The following VWA3B variants were observed in gnomAD, a reference collection of about 807,000 sequenced individuals.
The protein encoded by VWA3B is von Willebrand factor A domain-containing protein 3B.
VWA3B carries 138 observed loss-of-function variants against 158.3 expected under a neutral mutation model. The observed-to-expected ratio is 0.87, with a 90% CI of 0.76 to 1.00. VWA3B has a LOEUF of 1.00. Among genes scored for constraint, VWA3B ranks in the 50% least tolerant of loss-of-function variants. VWA3B has a pLI of 0.00. For synonymous variants in VWA3B, 596 were observed against 587.3 expected, an observed-to-expected ratio of 1.01 and a Z score of -0.21; for missense variants, 1,555 against 1,565.1, an observed-to-expected ratio of 0.99 and a Z score of 0.11.
intron 21 of VWA3B, among the ~76,000 whole-genome samples, chr2:98,266,104 C>T (rs1386460782): frequency 6.7e-6 from 1 of 149,664 alleles, no homozygotes; most frequent in Non-Finnish European, 1.5e-5. Context: ...GTGTTTTAGA[C>T]ATGAAGTCCT....
intron 16 of VWA3B, among the ~76,000 whole-genome samples, chr2:98,233,413 A>G (rs1685466395): frequency 6.6e-6 from 1 of 152,092 alleles, no homozygotes; most frequent in Non-Finnish European, 1.5e-5. Flanking sequence ...TTGGGGAGCT[A>G]AATTTCATTT....
Position 98,145,727 on chromosome 2 carries a change from G to GTT in VWA3B, c.988+11797_988+11798dup, listed in dbSNP as rs145413200. On this transcript the variant is annotated intron_variant, in intron 7 of 27. Transcript: ENST00000477737. Reference sequence around the variant, plus strand: ...TGATTTTTTTTCCTCTTTCCTGAGTGTTTTTTTTTTGAGACAGGTTCTCAC... The same window carrying GTT: ...TGATTTTTTTTCCTCTTTCCTGAGTGTTTTTTTTTTTTGAGACAGGTTCTCAC... 2.7e-5 allele frequency among the ~76,000 whole-genome samples: 4 copies of GTT among 145,872 alleles called. No individual in the cohort carries two copies. In the East Asian group the frequency reaches 6.0e-4, roughly 22 times the overall value.
intron 22 of VWA3B, among the ~76,000 whole-genome samples, chr2:98,277,819 A>G (rs1223510633): frequency 2.0e-5 from 3 of 152,224 alleles, no homozygotes; most frequent in Non-Finnish European, 4.4e-5. Context: ...CTTTGACACT[A>G]TACATGCAGG....
chr2:98,136,484 G>A (rs1323571617), intron 7 of VWA3B, among the ~76,000 whole-genome samples: 2 of 151,986 alleles, frequency 1.3e-5, no homozygotes, highest in Non-Finnish European at 2.9e-5. Flanking sequence ...GAAGATCAAG[G>A]CACTAGCCGA....
At chr2:98,306,196 C>T (rs909725130) in intron 26 of VWA3B, among the ~76,000 whole-genome samples, 1 of 139,992 alleles carries the variant, frequency 7.1e-6, no homozygotes, top group Admixed American at 7.2e-5. Flanking sequence ...AGCACCCTAG[C>T]CCCCCCAGGT....
intron 8 of VWA3B, among the ~76,000 whole-genome samples, chr2:98,173,220 A>T (rs1280722253): frequency 3.3e-5 from 5 of 152,212 alleles, no homozygotes; most frequent in Non-Finnish European, 7.3e-5. Context: ...TTCTTATGCA[A>T]CCAGAAGCGA....
chr2:98,251,334 A>G (rs1346425884), intron 20 of VWA3B, among the ~76,000 whole-genome samples: 1 of 152,172 alleles, frequency 6.6e-6, no homozygotes, highest in Non-Finnish European at 1.5e-5. Flanking sequence ...AAAGTGACTA[A>G]TAAAACTCGA....
chr2:98,104,057 T>C (rs1014957747), intron 2 of VWA3B, among the ~76,000 whole-genome samples: 1 of 152,258 alleles, frequency 6.6e-6, no homozygotes, highest in Non-Finnish European at 1.5e-5. Flanking sequence ...ATGGTGTATG[T>C]GTTTATAATC....
chr2:98,178,021 A>G (rs942207879), intron 8 of VWA3B, among the ~76,000 whole-genome samples: 4 of 152,306 alleles, frequency 2.6e-5, no homozygotes, highest in Admixed American at 2.0e-4. Context: ...CTAAGCAGAA[A>G]CACAATGAAT....
chr2:98,188,121 C>A lies in VWA3B; in HGVS notation c.1458C>A (p.Ile486=). ...SERIHTALAR[I]RRRIKWLQDG... is the part of the protein sequence containing the mutation. ...GAATCCACACAGCCCTGGCCCGGAT[C>A]CGAAGGAGGTTGGTGTTATTTGCAG... The change falls in exon 10 of 28, where the codon ATC becomes ATA. Residue 486 remains isoleucine, a synonymous_variant. Coordinates refer to ENST00000477737, the MANE Select transcript of VWA3B (RefSeq NM_144992.5). 1 of 1,610,706 alleles carries A rather than the reference C, an allele frequency of 6.2e-7. No homozygotes were observed. The highest frequency in any genetic ancestry group is 8.5e-7 in the Non-Finnish European group (1 of 1,178,436).
the VWA3B span, among the ~76,000 whole-genome samples, chr2:98,327,315 T>A: frequency 2.7e-5 from 4 of 150,922 alleles, no homozygotes; most frequent in Non-Finnish European, 4.4e-5. Context: ...ACAAAAGATA[T>A]AAAAAACAAG....
At chr2:98,319,760 AT>A in the VWA3B span, among the ~76,000 whole-genome samples, 1 of 151,850 alleles carries the variant, frequency 6.6e-6, no homozygotes, top group Non-Finnish European at 1.5e-5. Flanking sequence ...CATGCCTGTA[AT>A]CCTAGCTACT....
chr2:98,319,056 A>G, the VWA3B span, among the ~76,000 whole-genome samples: 2 of 152,250 alleles, frequency 1.3e-5, no homozygotes, highest in African/African-American at 4.8e-5. Flanking sequence ...CTGAGGATAC[A>G]GAGGACTGGC....
At chr2:98,272,353 G>C (rs1688253784) in intron 22 of VWA3B, among the ~76,000 whole-genome samples, 1 of 152,246 alleles carries the variant, frequency 6.6e-6, no homozygotes. Context: ...GATGCATCAT[G>C]TGAGCGATGC....
chr2:98,253,723 C>T (rs895610191), intron 20 of VWA3B, among the ~76,000 whole-genome samples: 30 of 152,212 alleles, frequency 2.0e-4, no homozygotes, highest in African/African-American at 4.8e-5. Flanking sequence ...CAACTCTTGG[C>T]ACAAGCTGAT....
chr2:98,107,388 A>G (rs988518632), intron 2 of VWA3B, among the ~76,000 whole-genome samples: 2 of 152,096 alleles, frequency 1.3e-5, no homozygotes, highest in South Asian at 2.1e-4. Flanking sequence ...TCCATTCTCT[A>G]GAAGATGTTT....
intron 8 of VWA3B, among the ~76,000 whole-genome samples, chr2:98,175,586 CCATAAACATAA>C (rs1460566344): frequency 1.3e-5 from 2 of 152,018 alleles, no homozygotes; most frequent in African/African-American, 4.8e-5. Flanking sequence ...CAATGGCATA[CCATAAACATAA>C]CAACATGTGA....
At chr2:98,325,686 C>A in the VWA3B span, among the ~76,000 whole-genome samples, 1 of 152,086 alleles carries the variant, frequency 6.6e-6, no homozygotes, top group East Asian at 1.9e-4. Flanking sequence ...ATACACATGG[C>A]GACATGGCAA....
chr2:98,234,875 C>A, intron 17 of VWA3B, 108 bp downstream of exon 17: 1 of 1,467,266 alleles, frequency 6.8e-7, no homozygotes, highest in Non-Finnish European at 9.1e-7. Context: ...TTTAAATGGG[C>A]CCAGATTGCT....
Sources: allele counts gnomAD v4.1 joint callset (sites outside exome capture counted in the v4.1 genomes callset), GRCh38; gene constraint gnomAD v4.1.1; transcripts MANE v1.5; gene names NCBI Gene and HGNC (gene_info 2026-07-23, HGNC 2026-07-21).